MAPKAP1: variants seen among roughly 807,000 people sequenced by gnomAD.
MAPKAP1 encodes target of rapamycin complex 2 subunit MAPKAP1.
In MAPKAP1, 20 loss-of-function variants were observed where a neutral mutation model predicts 65.7. That is an observed-to-expected ratio of 0.30 (90% confidence interval 0.21 to 0.44). MAPKAP1 has a LOEUF of 0.44. Among genes scored for constraint, MAPKAP1 ranks in the 20% least tolerant of loss-of-function variants. MAPKAP1 has a pLI of 1.00. For synonymous variants in MAPKAP1, 222 were observed against 244.3 expected, an observed-to-expected ratio of 0.91 and a Z score of 0.85; for missense variants, 423 against 648.0, an observed-to-expected ratio of 0.65 and a Z score of 3.77.
intron 7 of MAPKAP1, among the ~76,000 whole-genome samples, chr9:125,523,386 A>C (rs1235295115): frequency 6.6e-6 from 1 of 152,224 alleles, no homozygotes; most frequent in African/African-American, 2.4e-5. Flanking sequence ...CCTGACCAAG[A>C]GCACAATTTA....
intron 4 of MAPKAP1, among the ~76,000 whole-genome samples, chr9:125,629,054 AACACACACACACACACACAC>A (rs71374284): frequency 2.7e-5 from 4 of 147,374 alleles, no homozygotes; most frequent in African/African-American, 5.0e-5. Context: ...TCACTGTCAA[AACACACACACACACACACAC>A]ACACACACAC....
chr9:125,441,667 G>T (rs1170064312), intron 11 of MAPKAP1, among the ~76,000 whole-genome samples: 2 of 152,018 alleles, frequency 1.3e-5, no homozygotes, highest in African/African-American at 4.8e-5. Context: ...TGCATTACTA[G>T]AGTCTAAACT....
intron 10 of MAPKAP1, among the ~76,000 whole-genome samples, chr9:125,445,146 G>A (rs1024770634): frequency 2.5e-5 from 3 of 118,754 alleles, no homozygotes; most frequent in Admixed American, 9.5e-5. Flanking sequence ...GGATGGGGGC[G>A]GGGGGGGCAC....
intron 7 of MAPKAP1, among the ~76,000 whole-genome samples, chr9:125,529,726 A>G (rs891425023): frequency 2.6e-5 from 4 of 152,184 alleles, no homozygotes; most frequent in Non-Finnish European, 2.9e-5. Flanking sequence ...CTACACACCT[A>G]GCTGCCTGCC....
At chr9:125,469,106 G>A (rs889564048) in intron 9 of MAPKAP1, among the ~76,000 whole-genome samples, 1 of 151,922 alleles carries the variant, frequency 6.6e-6, no homozygotes, top group Non-Finnish European at 1.5e-5. Context: ...CTTCTATAGT[G>A]GGCCCCATAT....
intron 5 of MAPKAP1, among the ~76,000 whole-genome samples, chr9:125,569,126 G>T (rs370212372): frequency 9.9e-5 from 15 of 152,148 alleles, no homozygotes; most frequent in African/African-American, 3.4e-4. Flanking sequence ...CTTGAATACA[G>T]GTCCCTTAAA....
At chr9:125,660,842 T>C (rs906413395) in intron 3 of MAPKAP1, among the ~76,000 whole-genome samples, 1 of 152,240 alleles carries the variant, frequency 6.6e-6, no homozygotes, top group African/African-American at 2.4e-5. Context: ...CCCTTGTTTC[T>C]TCCTGACACA....
Position 125,484,913 on chromosome 9 carries a change from C to T in MAPKAP1, c.1067-330G>A, listed in dbSNP as rs368649753. On this transcript the variant is annotated intron_variant, in intron 8 of 11. Coordinates refer to ENST00000265960, the MANE Select transcript of MAPKAP1 (RefSeq NM_001006617.3). ...AGCTTGGGTGGTGTTAGCAGTGTCA[C>T]GGGTCTTGTTTTTTTTCTAAATGTG... Among the ~76,000 whole-genome samples, 187 of 152,240 alleles carry T rather than the reference C, an allele frequency of 1.2e-3. No individual in the cohort carries two copies. The Middle Eastern group carries it at 0.014, about 11-fold the overall frequency.
At chr9:125,596,378 TG>T in intron 4 of MAPKAP1, 1 of 811,290 alleles carries the variant, frequency 1.2e-6, no homozygotes, top group Non-Finnish European at 2.1e-6. Flanking sequence ...GTGGATATGG[TG>T]GCAGTAGGGA....
At chr9:125,677,737 C>T (rs1346862375) in intron 1 of MAPKAP1, among the ~76,000 whole-genome samples, 2 of 152,116 alleles carry the variant, frequency 1.3e-5, no homozygotes, top group East Asian at 1.9e-4. Flanking sequence ...TTTTTACATA[C>T]CTTTAGGCCA....
At chr9:125,677,589 G>A (rs1007142993) in intron 1 of MAPKAP1, among the ~76,000 whole-genome samples, 3 of 152,080 alleles carry the variant, frequency 2.0e-5, no homozygotes, top group Admixed American at 2.0e-4. Context: ...TCAGCTACTC[G>A]GGAGGCTGAG....
chr9:125,554,971 C>G (rs1340346186), intron 6 of MAPKAP1, among the ~76,000 whole-genome samples: 8 of 152,054 alleles, frequency 5.3e-5, no homozygotes, highest in African/African-American at 1.9e-4. Context: ...TCAAAAGACT[C>G]AAGTTGACAA....
chr9:125,504,675 C>T (rs1829086277), intron 8 of MAPKAP1, among the ~76,000 whole-genome samples: 2 of 152,042 alleles, frequency 1.3e-5, no homozygotes, highest in African/African-American at 2.4e-5. Flanking sequence ...TGCCTGTAAT[C>T]CCAGTTACTT....
chr9:125,681,684 G>C (rs1392757945), intron 1 of MAPKAP1, among the ~76,000 whole-genome samples: 1 of 152,188 alleles, frequency 6.6e-6, no homozygotes, highest in Non-Finnish European at 1.5e-5. Context: ...AGACAACCTA[G>C]GGGAGCCACC....
At chr9:125,599,661 TG>T (rs1393841414) in intron 4 of MAPKAP1, among the ~76,000 whole-genome samples, 2 of 150,206 alleles carry the variant, frequency 1.3e-5, no homozygotes, top group East Asian at 3.9e-4. Context: ...TGGAGTGCAA[TG>T]TTGTGATGTC....
chr9:125,600,160 T>G (rs1364768364), intron 4 of MAPKAP1, among the ~76,000 whole-genome samples: 1 of 148,994 alleles, frequency 6.7e-6, no homozygotes, highest in South Asian at 2.1e-4. Context: ...AAACTAGCAA[T>G]CATTCATGTT....
At chr9:125,637,431 G>A (rs1341612747) in intron 4 of MAPKAP1, among the ~76,000 whole-genome samples, 1 of 152,078 alleles carries the variant, frequency 6.6e-6, no homozygotes, top group Non-Finnish European at 1.5e-5. Flanking sequence ...TGGGCCAGAT[G>A]TATGAAAAAA....
chr9:125,490,365 C>A (rs10114929), intron 8 of MAPKAP1, among the ~76,000 whole-genome samples: 46,058 of 151,828 alleles, frequency 0.3, 8,026 homozygotes, highest in Non-Finnish European at 0.4. Flanking sequence ...CATGGTGAAA[C>A]CCCGTTTCTA....
At chr9:125,656,352 G>C (rs558003544) in intron 4 of MAPKAP1, among the ~76,000 whole-genome samples, 3 of 152,278 alleles carry the variant, frequency 2.0e-5, no homozygotes, top group African/African-American at 7.2e-5. Flanking sequence ...AAGGGCAGAC[G>C]AAAGAGAAGC....
Sources: allele counts gnomAD v4.1 joint callset (sites outside exome capture counted in the v4.1 genomes callset), GRCh38; gene constraint gnomAD v4.1.1; transcripts MANE v1.5; gene names NCBI Gene and HGNC (gene_info 2026-07-23, HGNC 2026-07-21).